EGFR: variants seen among roughly 807,000 people sequenced by gnomAD.
The protein encoded by EGFR is epidermal growth factor receptor, also known as avian erythroblastic leukemia viral (v-erb-b) oncogene homolog.
A neutral mutation model predicts 143.0 loss-of-function variants in EGFR; 58 were observed. That is an observed-to-expected ratio of 0.41 (90% CI 0.33 to 0.50). The LOEUF is 0.50. EGFR is among the 20% of genes least tolerant of loss of function. The pLI, the probability that EGFR is intolerant of heterozygous loss-of-function variation, is 0.39. For synonymous variants in EGFR, 613 were observed against 594.4 expected (o/e 1.03, Z -0.45); for missense variants, 1,307 against 1,579.0 (o/e 0.83, Z 2.92).
At chr7:55,041,556 A>G (rs931962390) in intron 1 of EGFR, among the ~76,000 whole-genome samples, 3 of 152,238 alleles carry the variant, frequency 2.0e-5, no homozygotes, top group Non-Finnish European at 2.9e-5. Flanking sequence ...ATATGTAGGC[A>G]CCGTTGCATT....
intron 11 of EGFR, among the ~76,000 whole-genome samples, chr7:55,159,215 T>C (rs1169772805): frequency 6.6e-6 from 1 of 152,144 alleles, no homozygotes; most frequent in African/African-American, 2.4e-5. Flanking sequence ...TGGCAGAGGC[T>C]GGTGGTTCTC....
rs1788125410 is a variant in EGFR at position 55,207,045 on chromosome 7, C to A, written c.*1428C>A. ...AAGATTCAGCTAGTTAGGAGCCCACCTTTTTTCCTAATCTGTGTGTGCCCT... is the reference window on the plus strand; with the variant it reads ...AAGATTCAGCTAGTTAGGAGCCCACATTTTTTCCTAATCTGTGTGTGCCCT... On this transcript the variant is annotated 3_prime_UTR_variant, in exon 28 of 28. Transcript: ENST00000275493. The A allele has an allele frequency of 4.3e-6, 1 of 232,824 alleles. No homozygotes were observed. Among genetic ancestry groups the A allele is most frequent in the South Asian group, 1.8e-4 (1 of 5,528 alleles). The allele number at this position is 232,824 out of a possible 1,614,324, so 14.4% of individuals were successfully genotyped here. A position where few individuals can be genotyped will look rare whatever the true frequency, so the allele number is the denominator to read the frequency against.
rs1357037344 is a variant in EGFR at position 55,161,515 on chromosome 7, C to T, written c.1515C>T (p.Val505=). 1 of 1,614,152 alleles carries T rather than the reference C, an allele frequency of 6.2e-7. No homozygotes were observed. Among genetic ancestry groups the T allele is most frequent in the South Asian group, 1.1e-5 (1 of 91,074 alleles). ...TCTCCGCAGAGGCCACAGGCCAGGTCTGCCATGCCTTGTGCTCCCCCGAGG... is the reference window on the plus strand; with the variant it reads ...TCTCCGCAGAGGCCACAGGCCAGGTTTGCCATGCCTTGTGCTCCCCCGAGG... ...GENSCKATGQ[V]CHALCSPEGC... is the part of the protein sequence containing the mutation. Residue 505 remains valine (V), a synonymous_variant, in exon 13 of 28, where the codon GTC becomes GTT. Transcript: ENST00000275493.
At chr7:55,182,166 G>T (rs994752900) in intron 20 of EGFR, 49 of 155,916 alleles carry the variant, frequency 3.1e-4, no homozygotes, top group Admixed American at 3.0e-3. Flanking sequence ...TCCCAGTCTT[G>T]CATCAGTTAT....
rs906575901 is a variant in EGFR at position 55,067,974 on chromosome 7, G to A, written c.88+48609G>A. Among the ~76,000 whole-genome samples the A allele has an allele frequency of 5.3e-5, 8 of 151,150 alleles. 2 individuals carry two copies. The highest frequency in any genetic ancestry group is 1.7e-4 in the African/African-American group (7 of 40,498). The stretch of plus-strand genomic sequence containing the variant: ...TATGGGTATGTGTGTACGTGTGTAC[G>A]TGTGTGTGCATGTGTGTATATGTGT... On this transcript the variant is annotated intron_variant, in intron 1 of 27. Coordinates refer to ENST00000275493, the MANE Select transcript of EGFR (RefSeq NM_005228.5).
intron 1 of EGFR, among the ~76,000 whole-genome samples, chr7:55,102,432 C>G (rs1419740193): frequency 1.3e-5 from 2 of 152,238 alleles, no homozygotes; most frequent in Non-Finnish European, 1.5e-5. Context: ...TAACTCAACT[C>G]TGCTTTAAAA....
chr7:55,148,211 A>G (rs1794866994), intron 4 of EGFR, among the ~76,000 whole-genome samples: 1 of 152,188 alleles, frequency 6.6e-6, no homozygotes, highest in African/African-American at 2.4e-5. Flanking sequence ...ATATTATGAG[A>G]TCAAGGTTAG....
chr7:55,148,498 C>CA (rs1794882627), intron 4 of EGFR, among the ~76,000 whole-genome samples: 1 of 151,856 alleles, frequency 6.6e-6, no homozygotes, highest in South Asian at 2.1e-4. Flanking sequence ...TAAGAATAAA[C>CA]AAAAAATAAG....
At chr7:55,096,797 G>A (rs140756043) in intron 1 of EGFR, among the ~76,000 whole-genome samples, 5 of 152,294 alleles carry the variant, frequency 3.3e-5, no homozygotes, top group South Asian at 2.1e-4. Flanking sequence ...GGGCGCAGGC[G>A]CAGAGCGGTT....
chr7:55,074,005 CT>C (rs1279191394), intron 1 of EGFR, among the ~76,000 whole-genome samples: 3 of 152,242 alleles, frequency 2.0e-5, no homozygotes, highest in African/African-American at 7.2e-5. Flanking sequence ...CACCCTTCCC[CT>C]AGTCTGGAGA....
intron 1 of EGFR, among the ~76,000 whole-genome samples, chr7:55,058,621 C>T (rs746620592): frequency 4.8e-4 from 73 of 151,996 alleles, no homozygotes; most frequent in Non-Finnish European, 5.9e-4. Context: ...AACAAAATAC[C>T]GCATGTTATC....
intron 1 of EGFR, among the ~76,000 whole-genome samples, chr7:55,049,561 C>G (rs1788364735): frequency 6.6e-6 from 1 of 152,018 alleles, no homozygotes; most frequent in Non-Finnish European, 1.5e-5. Flanking sequence ...TGTTCTGTAT[C>G]TGGGGGGCCT....
intron 14 of EGFR, among the ~76,000 whole-genome samples, chr7:55,164,889 T>C (rs1785888783): frequency 6.6e-6 from 1 of 152,236 alleles, no homozygotes; most frequent in Admixed American, 6.5e-5. Context: ...TTTTCTTAAA[T>C]TTGCCTCCCT....
At chr7:55,044,829 A>G (rs1034915366) in intron 1 of EGFR, among the ~76,000 whole-genome samples, 1 of 152,238 alleles carries the variant, frequency 6.6e-6, no homozygotes, top group African/African-American at 2.4e-5. Context: ...TAAGTGAATG[A>G]ATTCTTTCAG....
At chr7:55,075,747 A>G (rs1266372248) in intron 1 of EGFR, among the ~76,000 whole-genome samples, 1 of 152,188 alleles carries the variant, frequency 6.6e-6, no homozygotes, top group African/African-American at 2.4e-5. Flanking sequence ...TCAGAGCTAC[A>G]CAGTGTACTC....
Position 55,181,491 on chromosome 7 carries a change from G to A in EGFR, c.2469+13G>A, listed in dbSNP as rs764099332. On this transcript the variant is annotated intron_variant, in intron 20 of 27. Transcript: ENST00000275493. Reference sequence around the variant, plus strand: ...GCAGATCGCAAAGGTAATCAGGGAAGGGAGATACGGGGAGGGGAGATAAGG... The same window carrying A: ...GCAGATCGCAAAGGTAATCAGGGAAAGGAGATACGGGGAGGGGAGATAAGG... 10 of 1,614,208 alleles carry A rather than the reference G, an allele frequency of 6.2e-6. 1 individual carries two copies. The East Asian group carries it at 2.2e-4, about 36-fold the overall frequency.
intron 10 of EGFR, 50 bp downstream of exon 10, chr7:55,156,882 A>G: frequency 6.2e-7 from 1 of 1,613,156 alleles, no homozygotes; most frequent in Non-Finnish European, 8.5e-7. Context: ...AGTGTTTTAG[A>G]GAGAGAACTT....
intron 7 of EGFR, among the ~76,000 whole-genome samples, chr7:55,155,571 AGCTG>A (rs1232352868): frequency 2.6e-5 from 4 of 152,246 alleles, no homozygotes; most frequent in Non-Finnish European, 4.4e-5. Context: ...GACGCAAAAC[AGCTG>A]GCCCCTCAAG....
At chr7:55,092,438 A>G (rs954675855) in intron 1 of EGFR, among the ~76,000 whole-genome samples, 7 of 152,172 alleles carry the variant, frequency 4.6e-5, no homozygotes, top group African/African-American at 1.7e-4. Flanking sequence ...TCAGGCTCCA[A>G]TTTCCTGGTG....
Sources: gnomAD v4.1 joint callset for allele counts (sites outside exome capture counted in the v4.1 genomes callset) on GRCh38, gnomAD v4.1.1 for gene constraint, MANE v1.5 for transcripts, NCBI Gene and HGNC (gene_info 2026-07-23, HGNC 2026-07-21) for gene names.